CD34: variants seen among roughly 807,000 people sequenced by gnomAD.
CD34 encodes the protein hematopoietic progenitor cell antigen CD34.
A neutral mutation model predicts 40.1 loss-of-function variants in CD34; 34 were observed. That is an observed-to-expected ratio of 0.85 (90% confidence interval 0.65 to 1.13). The LOEUF (loss-of-function observed/expected upper bound fraction) is 1.13, where lower values mean the gene tolerates loss of function less well. CD34 is among the 50% of genes most tolerant of loss of function. CD34 has a pLI of 0.00. For missense variants in CD34, 426 were observed against 466.9 expected (o/e 0.91, Z 0.81); for synonymous variants, 209 against 190.0 (o/e 1.10, Z -0.82).
At chr1:207,895,594 G>A (rs2102299580) in intron 4 of CD34, among the ~76,000 whole-genome samples, 1 of 152,338 alleles carries the variant, frequency 6.6e-6, no homozygotes, top group Admixed American at 6.5e-5. Context: ...CCACAGCAGA[G>A]TTAGGAGGAA....
At chr1:207,893,615 A>G (rs1281994905) in intron 4 of CD34, among the ~76,000 whole-genome samples, 1 of 152,194 alleles carries the variant, frequency 6.6e-6, no homozygotes, top group African/African-American at 2.4e-5. Flanking sequence ...TCCGCATGGA[A>G]ACTGACCTTT....
intron 7 of CD34, 117 bp downstream of exon 7, chr1:207,888,565 T>G: frequency 1.0e-6 from 1 of 988,902 alleles, no homozygotes; most frequent in Non-Finnish European, 1.6e-6. Flanking sequence ...CATATCTTTA[T>G]GTAAGCTCAC....
intron 1 of CD34, among the ~76,000 whole-genome samples, chr1:207,908,622 A>G (rs570467799): frequency 6.6e-6 from 1 of 152,336 alleles, no homozygotes; most frequent in East Asian, 1.9e-4. Context: ...GGATAGGGAC[A>G]GGCCTTGGAA....
chr1:207,889,915 C>A (rs1661995677), intron 4 of CD34: 3 of 1,491,724 alleles, frequency 2.0e-6, no homozygotes, highest in Non-Finnish European at 2.7e-6. Context: ...TACACATATG[C>A]AAATTAAACT....
At position 207,887,562 on chromosome 1, in the gene CD34, A is replaced by C; in HGVS notation, c.*176T>G. 1.2e-6 allele frequency: 1 copy of C among 815,820 alleles called. No individual in the cohort carries two copies. Among genetic ancestry groups the C allele is most frequent in the Non-Finnish European group, 1.9e-6 (1 of 531,086 alleles). The allele number at this position is 815,820 out of a possible 1,614,324, so 50.5% of individuals were successfully genotyped here. On this transcript the variant is annotated 3_prime_UTR_variant, in exon 8 of 8. Coordinates refer to ENST00000310833, the MANE Select transcript of CD34 (RefSeq NM_001025109.2). ...CCAGGGAGCCGAATGTGTAAAGGAC[A>C]GGAGTTTACCTGCCCCTCCTCAAGG...
intron 4 of CD34, among the ~76,000 whole-genome samples, chr1:207,892,869 A>T (rs1001882686): frequency 1.2e-4 from 19 of 152,288 alleles, no homozygotes; most frequent in Admixed American, 9.8e-4. Context: ...TCAACTTAAC[A>T]TCCCAACCAG....
chr1:207,909,083 T>C (rs888521829), intron 1 of CD34, among the ~76,000 whole-genome samples: 19 of 152,190 alleles, frequency 1.2e-4, no homozygotes, highest in African/African-American at 4.1e-4. Flanking sequence ...TAGAAAGCTC[T>C]TGGGAAGGGC....
chr1:207,887,288 T>G lies in CD34; in HGVS notation c.*450A>C. 6.1e-6 allele frequency: 1 copy of G among 164,696 alleles called. No homozygotes were observed. The highest frequency in any genetic ancestry group is 1.7e-4 in the South Asian group (1 of 5,868). The allele number at this position is 164,696 out of a possible 1,614,324, so 10.2% of individuals were successfully genotyped here. A position where few individuals can be genotyped will look rare whatever the true frequency, so the allele number is the denominator to read the frequency against. On this transcript the variant is annotated 3_prime_UTR_variant, in exon 8 of 8. Transcript: ENST00000310833. The stretch of plus-strand genomic sequence containing the variant: ...AAGAGAGCAGGTGCAAAAGGTTACT[T>G]TGGTTTCCTCAAAGTAGAGAAAGAA...
At chr1:207,888,399 G>A (rs1391820296) in intron 7 of CD34, among the ~76,000 whole-genome samples, 2 of 152,196 alleles carry the variant, frequency 1.3e-5, no homozygotes, top group Non-Finnish European at 2.9e-5. Flanking sequence ...CTGTTCTGGT[G>A]GCCCCAAGCT....
At chr1:207,896,720 A>T (rs1208473758) in intron 4 of CD34, among the ~76,000 whole-genome samples, 1 of 152,150 alleles carries the variant, frequency 6.6e-6, no homozygotes, top group African/African-American at 2.4e-5. Context: ...TACAATTCAA[A>T]TTTTAAAGCA....
intron 4 of CD34, 46 bp downstream of exon 4, chr1:207,897,447 A>T (rs1662172521): frequency 7.4e-7 from 1 of 1,344,466 alleles, no homozygotes; most frequent in Non-Finnish European, 1.0e-6. Context: ...GGATGGAGGA[A>T]AGGGACAGGG....
chr1:207,907,102 A>G (rs1371361129), intron 1 of CD34, among the ~76,000 whole-genome samples: 1 of 152,158 alleles, frequency 6.6e-6, no homozygotes, highest in East Asian at 1.9e-4. Context: ...GAGAGCCACT[A>G]ACACAAGGCT....
At chr1:207,889,954 T>G in intron 4 of CD34, 1 of 1,470,986 alleles carries the variant, frequency 6.8e-7, no homozygotes, top group African/African-American at 1.4e-5. Context: ...ACAGAAAATA[T>G]TAATAATGCA....
rs534671670 is a variant in CD34 at position 207,888,388 on chromosome 1, C to T, written c.972+294G>A. Among the ~76,000 whole-genome samples, 17 of 152,322 alleles carry T rather than the reference C, an allele frequency of 1.1e-4. No individual in the cohort carries two copies. The South Asian group carries it at 3.3e-3, about 30-fold the overall frequency. On this transcript the variant is annotated intron_variant, in intron 7 of 7. Transcript: ENST00000310833. The stretch of plus-strand genomic sequence containing the variant: ...AAATACAGTGTGGCTGATTAAACAG[C>T]CTGTTCTGGTGGCCCCAAGCTGAAC...
chr1:207,909,693 C>T (rs1356323687), intron 1 of CD34, among the ~76,000 whole-genome samples: 2 of 152,236 alleles, frequency 1.3e-5, no homozygotes, highest in Non-Finnish European at 2.9e-5. Flanking sequence ...AAGCGTGAGC[C>T]ACTGCGCCCG....
chr1:207,897,117 CTAGTT>C (rs1448104054), intron 4 of CD34, among the ~76,000 whole-genome samples: 2 of 151,848 alleles, frequency 1.3e-5, no homozygotes, highest in African/African-American at 4.8e-5. Context: ...TTTTAGGTGA[CTAGTT>C]TATATCTGGT....
intron 1 of CD34, among the ~76,000 whole-genome samples, chr1:207,907,273 AC>A (rs1278670581): frequency 2.0e-5 from 3 of 151,928 alleles, no homozygotes; most frequent in South Asian, 2.1e-4. Flanking sequence ...TCCATCCTCC[AC>A]CCACCACTGT....
In CD34 at chr1:207,882,829, C is replaced by T. The variant is rs1222683664; in HGVS notation, c.*4909G>A. 1 of 152,154 alleles carries T rather than the reference C, an allele frequency of 6.6e-6. No individual in the cohort carries two copies. Among genetic ancestry groups the T allele is most frequent in the Non-Finnish European group, 1.5e-5 (1 of 68,076 alleles). 9.4% of individuals were successfully genotyped at this position (152,154 alleles called of 1,614,324 possible). A position where few individuals can be genotyped will look rare whatever the true frequency, so the allele number is the denominator to read the frequency against. ...AGGATCAGTCCAGACGTCACTTCTCCTGGGAAGCCTTCCATGGTCTTCCAC... is the reference window on the plus strand; with the variant it reads ...AGGATCAGTCCAGACGTCACTTCTCTTGGGAAGCCTTCCATGGTCTTCCAC... On this transcript the variant is annotated 3_prime_UTR_variant, in exon 8 of 8. Transcript: ENST00000310833.
chr1:207,893,534 C>T (rs1662078486), intron 4 of CD34, among the ~76,000 whole-genome samples: 2 of 152,146 alleles, frequency 1.3e-5, no homozygotes, highest in South Asian at 2.1e-4. Context: ...GAAGTGAGAT[C>T]GTTTCCAGAT....
Sources: gnomAD v4.1 joint callset for allele counts (sites outside exome capture counted in the v4.1 genomes callset) on GRCh38, gnomAD v4.1.1 for gene constraint, MANE v1.5 for transcripts, NCBI Gene and HGNC (gene_info 2026-07-23, HGNC 2026-07-21) for gene names.